CACNA2D3: variants seen among roughly 807,000 people sequenced by gnomAD.
CACNA2D3 encodes the protein voltage-dependent calcium channel subunit alpha-2/delta-3.
CACNA2D3 carries 60 observed loss-of-function variants against 160.6 expected under a neutral mutation model. That is an observed-to-expected ratio of 0.37 (90% CI 0.30 to 0.46). The LOEUF is 0.46. CACNA2D3 is among the 20% of genes least tolerant of loss of function. CACNA2D3 has a pLI of 1.00. For missense variants in CACNA2D3, 1,205 were observed against 1,365.0 expected (o/e 0.88, Z 1.85); for synonymous variants, 558 against 492.9 (o/e 1.13, Z -1.75).
intron 11 of CACNA2D3, among the ~76,000 whole-genome samples, chr3:54,697,295 C>T (rs909974196): frequency 1.3e-5 from 2 of 152,076 alleles, no homozygotes; most frequent in East Asian, 1.9e-4. Context: ...CAAACAAAAA[C>T]ATGAGATTCC....
chr3:54,339,637 C>T (rs1042510207), intron 3 of CACNA2D3, among the ~76,000 whole-genome samples: 2 of 152,090 alleles, frequency 1.3e-5, no homozygotes, highest in African/African-American at 2.4e-5. Flanking sequence ...AATGAGTGAA[C>T]GATCAGAAAT....
chr3:54,494,040 C>G (rs996812933), intron 4 of CACNA2D3, among the ~76,000 whole-genome samples: 4 of 152,336 alleles, frequency 2.6e-5, no homozygotes, highest in Admixed American at 1.3e-4. Context: ...TACTTTGTCT[C>G]TGGTATTTTA....
chr3:54,273,616 T>C (rs1274396547), intron 2 of CACNA2D3, among the ~76,000 whole-genome samples: 1 of 152,212 alleles, frequency 6.6e-6, no homozygotes, highest in Non-Finnish European at 1.5e-5. Context: ...CAATTTACTC[T>C]GGCAGCAATC....
chr3:54,221,412 T>G (rs1239142890), intron 2 of CACNA2D3, among the ~76,000 whole-genome samples: 1 of 152,258 alleles, frequency 6.6e-6, no homozygotes, highest in Non-Finnish European at 1.5e-5. Context: ...TCTTTCACAA[T>G]TATTTTCACT....
intron 5 of CACNA2D3, among the ~76,000 whole-genome samples, chr3:54,523,672 A>G (rs1701681414): frequency 6.6e-6 from 1 of 152,096 alleles, no homozygotes; most frequent in Non-Finnish European, 1.5e-5. Context: ...TTTAAAGTTA[A>G]TAATTCAATC....
At chr3:54,156,373 A>G (rs1576965383) in intron 2 of CACNA2D3, among the ~76,000 whole-genome samples, 1 of 152,304 alleles carries the variant, frequency 6.6e-6, no homozygotes, top group South Asian at 2.1e-4. Context: ...GGGCCTTCAT[A>G]CACTAATGCC....
At chr3:54,432,561 C>T (rs1467818653) in intron 4 of CACNA2D3, among the ~76,000 whole-genome samples, 1 of 152,114 alleles carries the variant, frequency 6.6e-6, no homozygotes, top group Non-Finnish European at 1.5e-5. Flanking sequence ...ACATCGCATT[C>T]TAAGTGTTCA....
intron 9 of CACNA2D3, among the ~76,000 whole-genome samples, chr3:54,597,763 A>G (rs1405844573): frequency 1.3e-5 from 2 of 152,192 alleles, no homozygotes; most frequent in Non-Finnish European, 2.9e-5. Context: ...ATGTTATAGC[A>G]ACACACATAT....
At chr3:54,790,565 C>T (rs776890580) in intron 13 of CACNA2D3, among the ~76,000 whole-genome samples, 2 of 152,182 alleles carry the variant, frequency 1.3e-5, no homozygotes, top group Non-Finnish European at 2.9e-5. Context: ...AAATGAAACT[C>T]TACAGGTGCA....
At position 54,698,546 on chromosome 3, in the gene CACNA2D3, T is replaced by C. The variant is rs545119570; in HGVS notation, c.1168-54053T>C. Among the ~76,000 whole-genome samples, 25 of 152,292 alleles carry C rather than the reference T, an allele frequency of 1.6e-4. No individual in the cohort carries two copies. The South Asian group carries it at 5.2e-3, about 32-fold the overall frequency. The stretch of plus-strand genomic sequence containing the variant: ...TTGATATGTTTTTGGTCCCCATTGA[T>C]TTTGAAAACGCTAAACACCACAAAT... On this transcript the variant is annotated intron_variant, in intron 11 of 37. Coordinates refer to ENST00000474759, the MANE Select transcript of CACNA2D3 (RefSeq NM_018398.3).
At chr3:54,717,086 A>G (rs979743336) in intron 11 of CACNA2D3, among the ~76,000 whole-genome samples, 3 of 151,990 alleles carry the variant, frequency 2.0e-5, no homozygotes, top group Non-Finnish European at 2.9e-5. Context: ...TTGCACCAGA[A>G]CCTTATGTAA....
At chr3:54,219,896 T>C (rs1701534200) in intron 2 of CACNA2D3, among the ~76,000 whole-genome samples, 1 of 151,852 alleles carries the variant, frequency 6.6e-6, no homozygotes, top group Non-Finnish European at 1.5e-5. Flanking sequence ...AGAATTCTTC[T>C]TAATTAAAAA....
intron 11 of CACNA2D3, among the ~76,000 whole-genome samples, chr3:54,695,190 G>C (rs544823885): frequency 1.3e-5 from 2 of 152,064 alleles, no homozygotes; most frequent in East Asian, 3.9e-4. Context: ...GCTAATTTTT[G>C]TATTTTTAGT....
intron 2 of CACNA2D3, among the ~76,000 whole-genome samples, chr3:54,234,063 G>C (rs548205647): frequency 6.6e-6 from 1 of 152,186 alleles, no homozygotes; most frequent in East Asian, 1.9e-4. Context: ...ACTATCAAAA[G>C]AGAAAACAGA....
chr3:54,414,619 A>G (rs974557773), intron 4 of CACNA2D3, among the ~76,000 whole-genome samples: 1 of 152,068 alleles, frequency 6.6e-6, no homozygotes, highest in East Asian at 1.9e-4. Context: ...ATAATGAACA[A>G]CTTGGAAAAA....
At chr3:54,459,131 A>T (rs1339902474) in intron 4 of CACNA2D3, among the ~76,000 whole-genome samples, 2 of 152,060 alleles carry the variant, frequency 1.3e-5, no homozygotes, top group African/African-American at 4.8e-5. Context: ...ATAGTATTCC[A>T]TGGTGTATAT....
chr3:54,700,137 G>A (rs1033840141), intron 11 of CACNA2D3, among the ~76,000 whole-genome samples: 4 of 152,154 alleles, frequency 2.6e-5, no homozygotes, highest in Admixed American at 2.6e-4. Flanking sequence ...CTATTACAAC[G>A]TGTAAGTGAT....
At chr3:54,428,391 G>A (rs938688637) in intron 4 of CACNA2D3, among the ~76,000 whole-genome samples, 3 of 152,100 alleles carry the variant, frequency 2.0e-5, no homozygotes, top group African/African-American at 7.2e-5. Context: ...TAAATGTTAA[G>A]ATAGGATGAG....
At chr3:54,245,125 G>A (rs1702046540) in intron 2 of CACNA2D3, among the ~76,000 whole-genome samples, 1 of 151,998 alleles carries the variant, frequency 6.6e-6, no homozygotes, top group South Asian at 2.1e-4. Context: ...AATGTCTTTG[G>A]ACAATAAATT....
Sources: gnomAD v4.1 joint callset for allele counts (sites outside exome capture counted in the v4.1 genomes callset) on GRCh38, gnomAD v4.1.1 for gene constraint, MANE v1.5 for transcripts, NCBI Gene and HGNC (gene_info 2026-07-23, HGNC 2026-07-21) for gene names.